Variants in ZBED6 observed in about 807,000 individuals in gnomAD.
ZBED6 encodes zinc finger BED domain-containing protein 6.
Under a neutral mutation model 58.4 loss-of-function variants are expected in ZBED6, and 40 were observed. That is an observed-to-expected ratio of 0.68 (90% CI 0.53 to 0.89). The LOEUF is 0.89. Ranked by LOEUF, ZBED6 falls within the 40% of genes least tolerant of loss-of-function variation. The probability of loss-of-function intolerance (pLI) is 0.00; values close to 1 mark genes in which losing one functional copy is unlikely to be tolerated. For synonymous variants in ZBED6, 439 were observed against 350.6 expected (o/e 1.25, Z -2.82); for missense variants, 1,057 against 1,003.9 (o/e 1.05, Z -0.71).
At chr1:203,806,757 T>C (rs1490010918) in intron 1 of ZBED6, among the ~76,000 whole-genome samples, 1 of 152,068 alleles carries the variant, frequency 6.6e-6, no homozygotes, top group African/African-American at 2.4e-5. Flanking sequence ...TTCTGGTGAT[T>C]ATGTGCATTT....
chr1:203,817,267 T>G, intron 2 of ZBED6, 143 bp downstream of exon 2: 1 of 600,690 alleles, frequency 1.7e-6, no homozygotes, highest in Non-Finnish European at 2.8e-6. Flanking sequence ...TTTTAAAGGA[T>G]AATGTATTTA....
In ZBED6 at chr1:203,844,994, G is replaced by A. The variant is rs192729335; in HGVS notation, c.*3742-2190G>A. ...TCATGACTGGCCCAACTGTTCTATAGGCAGTCCTTAAATTTCTACCCTAAT... is the reference window on the plus strand; with the variant it reads ...TCATGACTGGCCCAACTGTTCTATAAGCAGTCCTTAAATTTCTACCCTAAT... On this transcript the variant is annotated intron_variant, in intron 11 of 16. Transcript: ENST00000550078. Among the ~76,000 whole-genome samples, 12 of 152,108 alleles carry A rather than the reference G, an allele frequency of 7.9e-5. No individual in the cohort carries two copies. The East Asian group carries it at 1.7e-3, about 22-fold the overall frequency.
chr1:203,806,403 G>A (rs1222505264), intron 1 of ZBED6: 1 of 182,702 alleles, frequency 5.5e-6, no homozygotes, highest in Non-Finnish European at 1.1e-5. Context: ...CCGGGTTCAA[G>A]CGATTCTCCT....
At chr1:203,796,906 T>C (rs1367090427) in exon 1 of ZBED6, 1 of 154,382 alleles carries the variant, frequency 6.5e-6, no homozygotes, top group African/African-American at 2.4e-5. Flanking sequence ...AGGGCTCAAC[T>C]AGCATTTGCT....
At chr1:203,839,464 T>G (rs372954198) in intron 10 of ZBED6, among the ~76,000 whole-genome samples, 8 of 152,170 alleles carry the variant, frequency 5.3e-5, no homozygotes, top group African/African-American at 1.4e-4. Context: ...GGTGTTTTTT[T>G]CCTTCTCATT....
intron 11 of ZBED6, among the ~76,000 whole-genome samples, chr1:203,840,636 A>T (rs538843765): frequency 7.2e-5 from 9 of 125,798 alleles, no homozygotes; most frequent in Admixed American, 2.9e-4. Context: ...TTATTTATTT[A>T]TTTTATTTAT....
At chr1:203,852,427 A>C (rs781583570) in exon 17 of ZBED6, 72 of 1,605,230 alleles carry the variant, frequency 4.5e-5, no homozygotes, top group South Asian at 3.6e-4. Flanking sequence ...CTTTAAAAAA[A>C]AAATCGCCAA....
chr1:203,828,487 G>A, intron 4 of ZBED6, 65 bp downstream of exon 4: 1 of 1,531,604 alleles, frequency 6.5e-7, no homozygotes, highest in Non-Finnish European at 8.8e-7. Context: ...CTGTACAACA[G>A]TACTTTTCAG....
chr1:203,829,548 C>A (rs892459047), exon 5 of ZBED6: 1 of 1,613,882 alleles, frequency 6.2e-7, no homozygotes, highest in Middle Eastern at 1.6e-4. Context: ...CCAATCCTTC[C>A]CCTCAGCTGC....
chr1:203,840,254 T>G (rs1685687405), intron 10 of ZBED6, 52 bp from the exon 11 acceptor site: 1 of 1,564,354 alleles, frequency 6.4e-7, no homozygotes, highest in Non-Finnish European at 8.8e-7. Context: ...GTATTTAAGC[T>G]GTAAAAAGTT....
chr1:203,834,356 C>T (rs918848822), intron 9 of ZBED6, among the ~76,000 whole-genome samples: 5 of 152,154 alleles, frequency 3.3e-5, no homozygotes, highest in African/African-American at 9.7e-5. Flanking sequence ...ACTGCAACCT[C>T]CACCTCCTGG....
chr1:203,811,143 CAA>C (rs535589700), intron 1 of ZBED6, among the ~76,000 whole-genome samples: 41 of 73,604 alleles, frequency 5.6e-4, no homozygotes, highest in African/African-American at 1.1e-3. Context: ...AACTCTGTCA[CAA>C]AAAAAAAAAA....
rs918356648 is a variant in ZBED6, at chr1:203,797,903, T to C, written c.381T>C (p.Ser127=). 2.0e-6 allele frequency: 3 copies of C among 1,536,000 alleles called. No individual in the cohort carries two copies. The African/African-American group carries it at 4.1e-5, about 21-fold the overall frequency. The stretch of plus-strand genomic sequence containing the variant: ...TAGAAAAACAGATCTATCTACCTAG[T>C]ACTAGAGCCAAGACCTCCATTGTGT... The change falls in exon 1 of 17, where the codon AGT becomes AGC. Residue 127 remains serine, a synonymous_variant. Coordinates refer to ENST00000550078, the Ensembl canonical transcript of ZBED6.
chr1:203,837,238 C>T (rs554303270), intron 9 of ZBED6, among the ~76,000 whole-genome samples: 1 of 149,558 alleles, frequency 6.7e-6, no homozygotes, highest in East Asian at 2.0e-4. Flanking sequence ...TTGCAGTGAG[C>T]TGAGATTGCA....
At chr1:203,841,967 G>A (rs1358317744) in intron 11 of ZBED6, among the ~76,000 whole-genome samples, 3 of 149,654 alleles carry the variant, frequency 2.0e-5, no homozygotes, top group Non-Finnish European at 4.4e-5. Context: ...AGACGGGGCC[G>A]CGGCTGGGCA....
At chr1:203,845,924 T>TC (rs1687765530) in intron 11 of ZBED6, among the ~76,000 whole-genome samples, 1 of 151,814 alleles carries the variant, frequency 6.6e-6, no homozygotes, top group South Asian at 2.1e-4. Context: ...CACGGAATAC[T>TC]CCAAGTAGAG....
At chr1:203,828,051 C>T (rs192456137) in intron 3 of ZBED6, among the ~76,000 whole-genome samples, 3 of 152,208 alleles carry the variant, frequency 2.0e-5, no homozygotes, top group Non-Finnish European at 2.9e-5. Flanking sequence ...TAAGTGTAGA[C>T]ATTTTAGGGG....
chr1:203,838,255 C>T lies in ZBED6; in HGVS notation c.*3672+191C>T, dbSNP rs118126477. 2.3e-4 allele frequency among the ~76,000 whole-genome samples: 35 copies of T among 152,186 alleles called. No individual in the cohort carries two copies. The East Asian group carries it at 5.8e-3, about 25-fold the overall frequency. The stretch of plus-strand genomic sequence containing the variant: ...GGGTAGACACCATTGAAAAAAACAC[C>T]GTCACACTCCTCAGGAGCTTATAGT... On this transcript the variant is annotated intron_variant, in intron 10 of 16. Transcript: ENST00000550078.
In ZBED6 at chr1:203,830,669, C is replaced by T. The variant is rs561070881; in HGVS notation, c.*3399+466C>T. 6.8e-4 allele frequency among the ~76,000 whole-genome samples: 104 copies of T among 151,988 alleles called. 3 individuals are homozygous for T. The South Asian group carries it at 0.02, about 29-fold the overall frequency. Reference sequence around the variant, plus strand: ...CTACTAAAACAAAAAATTAGCCAGGCGGGGTGGCATGCACCTGTAGTCCCA... The same window carrying T: ...CTACTAAAACAAAAAATTAGCCAGGTGGGGTGGCATGCACCTGTAGTCCCA... On this transcript the variant is annotated intron_variant, in intron 7 of 16. Coordinates refer to ENST00000550078, the Ensembl canonical transcript of ZBED6.
Sources: allele counts gnomAD v4.1 joint callset (sites outside exome capture counted in the v4.1 genomes callset), GRCh38; gene constraint gnomAD v4.1.1; transcripts MANE v1.5; gene names NCBI Gene and HGNC (gene_info 2026-07-23, HGNC 2026-07-21).